DOCK1: variants seen among roughly 807,000 people sequenced by gnomAD.
DOCK1 encodes dedicator of cytokinesis 1.
A neutral mutation model predicts 262.7 loss-of-function variants in DOCK1; 138 were observed. The observed-to-expected ratio is 0.53, with a 90% CI of 0.46 to 0.61. DOCK1 has a LOEUF of 0.61. Among genes scored for constraint, DOCK1 ranks in the 20% least tolerant of loss-of-function variants. The pLI, the probability that DOCK1 is intolerant of heterozygous loss-of-function variation, is 0.00. For missense variants in DOCK1, 1,908 were observed against 2,370.7 expected (o/e 0.80, Z 4.05); for synonymous variants, 866 against 867.4 (o/e 1.00, Z 0.03).
chr10:126,919,689 A>AC (rs1261010309), intron 1 of DOCK1, among the ~76,000 whole-genome samples: 1 of 151,376 alleles, frequency 6.6e-6, no homozygotes, highest in Non-Finnish European at 1.5e-5. Context: ...AGGCTGGATG[A>AC]CCCCCCGATC....
At chr10:127,024,026 G>A (rs550951133) in intron 14 of DOCK1, among the ~76,000 whole-genome samples, 82 of 152,288 alleles carry the variant, frequency 5.4e-4, no homozygotes, top group African/African-American at 1.8e-3. Flanking sequence ...GCAGCCTGCA[G>A]GGTCCACCTG....
intron 29 of DOCK1, among the ~76,000 whole-genome samples, chr10:127,333,439 G>A (rs912401694): frequency 6.6e-6 from 1 of 152,208 alleles, no homozygotes; most frequent in Non-Finnish European, 1.5e-5. Flanking sequence ...GCCTATAATT[G>A]TGCCAGGAGC....
chr10:127,448,862 T>C (rs917993255), intron 51 of DOCK1, among the ~76,000 whole-genome samples: 1 of 79,970 alleles, frequency 1.3e-5, no homozygotes, highest in Non-Finnish European at 3.8e-5. Context: ...TTCTTTTTCT[T>C]TTTTTTTAAT....
chr10:127,415,976 G>C (rs2068125862), intron 44 of DOCK1, among the ~76,000 whole-genome samples: 1 of 152,218 alleles, frequency 6.6e-6, no homozygotes, highest in Non-Finnish European at 1.5e-5. Context: ...ACTCACTGAG[G>C]GGGTGGCACT....
In DOCK1 at chr10:127,175,259, G is replaced by T. The variant is rs1282625638; in HGVS notation, c.2847+47495G>T. On this transcript the variant is annotated intron_variant, in intron 27 of 51. Transcript: ENST00000623213. The surrounding 1 kb of genome is among the most constrained non-coding windows in gnomAD (Gnocchi z 6.3). Reference sequence around the variant, plus strand: ...TTTCCAACTCCTGAATGACCCCCAAGAGCACTTTGATGGTTTCTTGGCTTG... The same window carrying T: ...TTTCCAACTCCTGAATGACCCCCAATAGCACTTTGATGGTTTCTTGGCTTG... The T allele has an allele frequency of 6.2e-7, 1 of 1,614,008 alleles. No homozygotes were observed. The highest frequency in any genetic ancestry group is 8.5e-7 in the Non-Finnish European group (1 of 1,180,018).
At position 127,078,968 on chromosome 10, in the gene DOCK1, T is replaced by C. The variant is rs1211672047; in HGVS notation, c.2445+17192T>C. Among the ~76,000 whole-genome samples, 6 of 152,344 alleles carry C rather than the reference T, an allele frequency of 3.9e-5. No individual in the cohort carries two copies. The East Asian group carries it at 1.2e-3, about 29-fold the overall frequency. ...CTCCAATCTGACCACCTATGTCTTT[T>C]ATTTGGAGTATTTAATCCCTTGCTT... On this transcript the variant is annotated intron_variant, in intron 23 of 51. Transcript: ENST00000623213.
chr10:127,131,112 A>T (rs2251922), intron 27 of DOCK1, among the ~76,000 whole-genome samples: 1 of 152,148 alleles, frequency 6.6e-6, no homozygotes, highest in East Asian at 1.9e-4. Context: ...GGAGTTCCTC[A>T]GGAAGAAGCC....
intron 12 of DOCK1, among the ~76,000 whole-genome samples, chr10:127,013,906 C>T (rs1363394725): frequency 1.3e-5 from 2 of 152,210 alleles, no homozygotes; most frequent in Non-Finnish European, 2.9e-5. Context: ...ACAGATCGGC[C>T]GCCGGGACTG....
rs1186632426 is a variant in DOCK1 at position 126,965,192 on chromosome 10, A to T, written c.47-5510A>T. On this transcript the variant is annotated intron_variant, in intron 1 of 51. Transcript: ENST00000623213. ...GGTCTGCGTGTAACTTCTTCTTGGT[A>T]GGGGGAGAAATAATTCTGTTAGGGC... Among the ~76,000 whole-genome samples the T allele has an allele frequency of 2.0e-5, 3 of 152,234 alleles. No homozygotes were observed. In the East Asian group the frequency reaches 5.8e-4, roughly 29 times the overall value.
intron 29 of DOCK1, among the ~76,000 whole-genome samples, chr10:127,328,415 G>T (rs1439792701): frequency 1.3e-5 from 2 of 152,192 alleles, no homozygotes; most frequent in Non-Finnish European, 2.9e-5. Flanking sequence ...CATTTACACT[G>T]TTTTTGTAAG....
chr10:127,051,622 G>C (rs1262126845), intron 21 of DOCK1, among the ~76,000 whole-genome samples: 1 of 151,946 alleles, frequency 6.6e-6, no homozygotes, highest in East Asian at 1.9e-4. Context: ...CACTCTTGTC[G>C]TCCATGCTGG....
intron 1 of DOCK1, among the ~76,000 whole-genome samples, chr10:126,909,251 A>G (rs1335261115): frequency 6.6e-6 from 1 of 152,126 alleles, no homozygotes; most frequent in Non-Finnish European, 1.5e-5. Flanking sequence ...GCCCCTAGCT[A>G]ATGATCGGCA....
Position 127,175,452 on chromosome 10 carries a change from G to A in DOCK1, c.2847+47688G>A. 1 of 1,611,490 alleles carries A rather than the reference G, an allele frequency of 6.2e-7. No homozygotes were observed. The highest frequency in any genetic ancestry group is 1.3e-5 in the African/African-American group (1 of 75,064). On this transcript the variant is annotated intron_variant, in intron 27 of 51. Transcript: ENST00000623213. This position sits in a 1 kb window ranked among gnomAD's most constrained non-coding sequence, Gnocchi z 6.3. ...CGACGGCTGCTCACTACATTCGGGG[G>A]ACAGGCACTGCATCGGGGGTGAGCA... is the stretch of plus-strand genomic sequence containing the variant.
intron 29 of DOCK1, among the ~76,000 whole-genome samples, chr10:127,289,998 A>T (rs2061295591): frequency 1.3e-5 from 2 of 148,234 alleles, no homozygotes; most frequent in Non-Finnish European, 1.5e-5. Context: ...AAATTCATGC[A>T]TTTTTGTTCT....
At position 127,072,078 on chromosome 10, in the gene DOCK1, G is replaced by A. The variant is rs895670209; in HGVS notation, c.2445+10302G>A. 2.6e-5 allele frequency among the ~76,000 whole-genome samples: 4 copies of A among 152,142 alleles called. No individual in the cohort carries two copies. The South Asian group carries it at 8.3e-4, about 31-fold the overall frequency. ...CTTGTTAGGTGCTCCTCCCACATCT[G>A]TGCCCTCGGTCTTGGATTCTGCCTG... On this transcript the variant is annotated intron_variant, in intron 23 of 51. Coordinates refer to ENST00000623213, the MANE Select transcript of DOCK1 (RefSeq NM_001290223.2).
intron 29 of DOCK1, among the ~76,000 whole-genome samples, chr10:127,330,399 G>A (rs1200422612): frequency 1.3e-5 from 2 of 150,238 alleles, no homozygotes; most frequent in Admixed American, 6.6e-5. Context: ...GATTAGGATG[G>A]CTACATCAGA....
At chr10:127,155,945 G>A (rs1476959501) in intron 27 of DOCK1, among the ~76,000 whole-genome samples, 1 of 152,186 alleles carries the variant, frequency 6.6e-6, no homozygotes, top group Non-Finnish European at 1.5e-5. Context: ...CTACTATTGT[G>A]TTGTGCTAGT....
intron 27 of DOCK1, among the ~76,000 whole-genome samples, chr10:127,167,361 T>C (rs979827434): frequency 3.3e-5 from 5 of 152,174 alleles, no homozygotes; most frequent in African/African-American, 7.2e-5. Flanking sequence ...ATTCAAAGGA[T>C]TGCAACCTTG....
intron 40 of DOCK1, among the ~76,000 whole-genome samples, chr10:127,404,877 C>A (rs887860479): frequency 6.6e-6 from 1 of 152,196 alleles, no homozygotes; most frequent in African/African-American, 2.4e-5. Context: ...GCCCCAGCAG[C>A]CACCGTTCTA....
Sources: gnomAD v4.1 joint callset for allele counts (sites outside exome capture counted in the v4.1 genomes callset) on GRCh38, gnomAD v4.1.1 for gene constraint, Gnocchi (gnomAD v3.1) non-coding constraint, MANE v1.5 for transcripts, NCBI Gene and HGNC (gene_info 2026-07-23, HGNC 2026-07-21) for gene names.